Variants in ADAMTSL1 observed in about 807,000 individuals in gnomAD.
ADAMTSL1 encodes ADAMTS like 1.
In ADAMTSL1, 126 loss-of-function variants were observed where a neutral mutation model predicts 201.8. The ratio of observed to expected loss-of-function variants is 0.62; its 90% confidence interval spans 0.54 to 0.72. The LOEUF (loss-of-function observed/expected upper bound fraction) is 0.72, where lower values mean the gene tolerates loss of function less well. ADAMTSL1 is among the 30% of genes least tolerant of loss of function. ADAMTSL1 has a pLI of 0.00. For synonymous variants in ADAMTSL1, 1,121 were observed against 903.4 expected (o/e 1.24, Z -4.32); for missense variants, 2,679 against 2,277.8 (o/e 1.18, Z -3.59).
intron 2 of ADAMTSL1, among the ~76,000 whole-genome samples, chr9:18,228,132 C>T (rs1419741812): frequency 1.3e-5 from 2 of 152,184 alleles, no homozygotes; most frequent in Non-Finnish European, 2.9e-5. Flanking sequence ...TTTACGAAGT[C>T]ATTGGAGGAT....
At chr9:17,944,246 C>G (rs569977294) in intron 1 of ADAMTSL1, among the ~76,000 whole-genome samples, 2 of 152,198 alleles carry the variant, frequency 1.3e-5, no homozygotes, top group South Asian at 2.1e-4. Flanking sequence ...ACCTAGGAAT[C>G]CAACATACAA....
intron 2 of ADAMTSL1, among the ~76,000 whole-genome samples, chr9:18,456,894 AT>A (rs1487189981): frequency 6.6e-6 from 1 of 152,054 alleles, no homozygotes; most frequent in Non-Finnish European, 1.5e-5. Flanking sequence ...CATTTATTTA[AT>A]TTTTTCCATA....
intron 1 of ADAMTSL1, among the ~76,000 whole-genome samples, chr9:17,962,687 C>T (rs556985994): frequency 1.2e-4 from 19 of 152,318 alleles, no homozygotes; most frequent in Admixed American, 1.2e-3. Context: ...GGACCAATTA[C>T]ATTATTTCCC....
At chr9:18,366,648 T>C in intron 2 of ADAMTSL1, among the ~76,000 whole-genome samples, 1 of 135,290 alleles carries the variant, frequency 7.4e-6, no homozygotes, top group African/African-American at 2.9e-5. Context: ...TTTTTTTTTT[T>C]TTTTTTTTTT....
At chr9:18,042,616 A>G (rs1821476476) in intron 1 of ADAMTSL1, among the ~76,000 whole-genome samples, 1 of 152,166 alleles carries the variant, frequency 6.6e-6, no homozygotes, top group South Asian at 2.1e-4. Context: ...AATTGAAGTT[A>G]TCAGAGAAAG....
At chr9:18,865,129 T>C (rs752454079) in intron 23 of ADAMTSL1, among the ~76,000 whole-genome samples, 5 of 152,180 alleles carry the variant, frequency 3.3e-5, no homozygotes, top group Non-Finnish European at 7.3e-5. Flanking sequence ...CATGTTGGTG[T>C]GCTGCACCCA....
chr9:18,277,350 C>G (rs746109852), intron 2 of ADAMTSL1, among the ~76,000 whole-genome samples: 1 of 152,030 alleles, frequency 6.6e-6, no homozygotes, highest in Non-Finnish European at 1.5e-5. Flanking sequence ...GTTAAAGTCC[C>G]CTATTAATAT....
chr9:18,789,635 G>A (rs776781112), intron 19 of ADAMTSL1, among the ~76,000 whole-genome samples: 2 of 152,188 alleles, frequency 1.3e-5, no homozygotes, highest in Admixed American at 1.3e-4. Flanking sequence ...ATGAGACACT[G>A]TTGATTGAAA....
At chr9:18,121,439 G>T (rs189731908) in intron 1 of ADAMTSL1, among the ~76,000 whole-genome samples, 1 of 152,144 alleles carries the variant, frequency 6.6e-6, no homozygotes, top group Non-Finnish European at 1.5e-5. Flanking sequence ...GTCCCTAAAG[G>T]GGAAGCCTTG....
At chr9:18,741,171 G>A (rs898084949) in intron 15 of ADAMTSL1, among the ~76,000 whole-genome samples, 3 of 152,044 alleles carry the variant, frequency 2.0e-5, no homozygotes, top group Admixed American at 2.0e-4. Flanking sequence ...ATTTGTTACA[G>A]TATCTTATGG....
chr9:17,960,820 A>G (rs2131397694), intron 1 of ADAMTSL1, among the ~76,000 whole-genome samples: 1 of 152,250 alleles, frequency 6.6e-6, no homozygotes, highest in African/African-American at 2.4e-5. Context: ...TCCATTCCAC[A>G]TCAGCAGCTT....
intron 2 of ADAMTSL1, among the ~76,000 whole-genome samples, chr9:18,413,701 C>A (rs1315849398): frequency 2.0e-5 from 3 of 152,052 alleles, no homozygotes; most frequent in Non-Finnish European, 2.9e-5. Context: ...ACACCAGAGC[C>A]CAACTCTTCA....
chr9:18,161,669 T>C (rs1011576233), intron 1 of ADAMTSL1, among the ~76,000 whole-genome samples: 1 of 152,040 alleles, frequency 6.6e-6, no homozygotes, highest in African/African-American at 2.4e-5. Context: ...TCCATGAATT[T>C]TGAATGCACC....
chr9:18,759,734 G>A (rs994950655), intron 16 of ADAMTSL1, among the ~76,000 whole-genome samples: 1 of 152,160 alleles, frequency 6.6e-6, no homozygotes, highest in African/African-American at 2.4e-5. Flanking sequence ...TTTGATGGAT[G>A]TGCAGCTGCT....
intron 15 of ADAMTSL1, chr9:18,723,121 G>T (rs191894061): frequency 3.9e-6 from 3 of 761,432 alleles, no homozygotes; most frequent in Non-Finnish European, 7.3e-6. Context: ...GTGGCCTAGG[G>T]CGAGGTGTCT....
intron 2 of ADAMTSL1, among the ~76,000 whole-genome samples, chr9:18,371,058 A>G (rs938318498): frequency 2.6e-5 from 4 of 152,096 alleles, no homozygotes; most frequent in African/African-American, 9.7e-5. Flanking sequence ...TTTAATTGCT[A>G]TATTTGAGTA....
At chr9:18,096,399 T>C (rs1190264975) in intron 1 of ADAMTSL1, among the ~76,000 whole-genome samples, 1 of 152,218 alleles carries the variant, frequency 6.6e-6, no homozygotes, top group East Asian at 1.9e-4. Context: ...CATTGTCTAA[T>C]GGAACTTTCT....
intron 1 of ADAMTSL1, among the ~76,000 whole-genome samples, chr9:17,959,201 G>A (rs1817619903): frequency 6.6e-6 from 1 of 152,122 alleles, no homozygotes; most frequent in South Asian, 2.1e-4. Context: ...AGTTAAATTT[G>A]TGCCTAGAAT....
chr9:18,339,130 C>T (rs557709903), intron 2 of ADAMTSL1, among the ~76,000 whole-genome samples: 40 of 152,212 alleles, frequency 2.6e-4, no homozygotes, highest in Non-Finnish European at 8.8e-5. Flanking sequence ...AACTAAAGAG[C>T]TTCTGCACAG....
Sources: gnomAD v4.1 joint callset for allele counts (sites outside exome capture counted in the v4.1 genomes callset) on GRCh38, gnomAD v4.1.1 for gene constraint, MANE v1.5 for transcripts, NCBI Gene and HGNC (gene_info 2026-07-23, HGNC 2026-07-21) for gene names.